The following ACCSL variants were observed in gnomAD, a reference collection of about 807,000 sequenced individuals.
ACCSL encodes the protein probable inactive 1-aminocyclopropane-1-carboxylate synthase-like protein 2.
In ACCSL, 55 loss-of-function variants were observed where a neutral mutation model predicts 61.7. The observed-to-expected ratio is 0.89, with a 90% CI of 0.72 to 1.12. The LOEUF is 1.12. Ranked by LOEUF, ACCSL falls within the 50% of genes most tolerant of loss-of-function variation. The pLI, the probability that ACCSL is intolerant of heterozygous loss-of-function variation, is 0.00. For synonymous variants in ACCSL, 258 were observed against 264.3 expected (o/e 0.98, Z 0.23); for missense variants, 632 against 698.0 (o/e 0.91, Z 1.07).
Position 44,059,860 on chromosome 11 carries a change from GC to G in ACCSL, c.1648del (p.Leu550CysfsTer8). ...KLAMRRFCDV[L>X]QEQKEALIVK... ...TAGCTATGCGTCGGTTCTGTGATGT[GC>G]TGCAGGAGCAGAAGGAGGCTTTGAT... On this transcript the variant is annotated frameshift_variant, in exon 14 of 14. Coordinates refer to ENST00000378832, the MANE Select transcript of ACCSL (RefSeq NM_001031854.2). LOFTEE classifies it low-confidence loss of function (END_TRUNC). 1 of 1,613,822 alleles carries G rather than the reference GC, an allele frequency of 6.2e-7. No homozygotes were observed. Among genetic ancestry groups the G allele is most frequent in the Non-Finnish European group, 8.5e-7 (1 of 1,179,822 alleles).
chr11:44,046,572 A>G (rs1952598628), upstream of ACCSL, among the ~76,000 whole-genome samples: 1 of 152,248 alleles, frequency 6.6e-6, no homozygotes, highest in Non-Finnish European at 1.5e-5. Flanking sequence ...TCACAGGCAA[A>G]CTGAACATGG....
At chr11:44,025,571 A>T in the ACCSL span, among the ~76,000 whole-genome samples, 1 of 152,082 alleles carries the variant, frequency 6.6e-6, no homozygotes, top group African/African-American at 2.4e-5. Flanking sequence ...TTTAAATCAG[A>T]TAGTAAAATA....
the ACCSL span, among the ~76,000 whole-genome samples, chr11:43,988,804 T>G: frequency 6.6e-5 from 7 of 106,146 alleles, no homozygotes; most frequent in African/African-American, 2.7e-4. Context: ...TGATTCTCTC[T>G]TCTTTTTTTT....
At chr11:43,967,417 G>GA in the ACCSL span, among the ~76,000 whole-genome samples, 4 of 151,776 alleles carry the variant, frequency 2.6e-5, no homozygotes, top group Admixed American at 2.6e-4. Flanking sequence ...GACCTCAGGT[G>GA]ATCCACCTGC....
the ACCSL span, among the ~76,000 whole-genome samples, chr11:43,958,181 C>T: frequency 1.3e-5 from 2 of 152,288 alleles, no homozygotes; most frequent in East Asian, 1.9e-4. Flanking sequence ...ATTTTACCAG[C>T]GATTATTCAG....
chr11:44,032,322 C>T, the ACCSL span, among the ~76,000 whole-genome samples: 1 of 152,198 alleles, frequency 6.6e-6, no homozygotes, highest in African/African-American at 2.4e-5. Context: ...TCTGGACCAC[C>T]CACTGCACTT....
the ACCSL span, among the ~76,000 whole-genome samples, chr11:44,042,189 T>C: frequency 1.3e-5 from 2 of 152,174 alleles, no homozygotes; most frequent in Admixed American, 1.3e-4. Flanking sequence ...CTATAAAGTA[T>C]GGGGTTTTTC....
the ACCSL span, among the ~76,000 whole-genome samples, chr11:43,958,527 G>A: frequency 6.6e-6 from 1 of 152,212 alleles, no homozygotes; most frequent in Admixed American, 6.5e-5. Context: ...CTCCTGCACA[G>A]CTGCCTCTGC....
chr11:43,949,616 AC>A, the ACCSL span, among the ~76,000 whole-genome samples: 7 of 151,672 alleles, frequency 4.6e-5, no homozygotes, highest in Non-Finnish European at 1.0e-4. Flanking sequence ...GGAGTTCGAG[AC>A]CAGCCTGGCC....
chr11:43,985,913 C>T, the ACCSL span, among the ~76,000 whole-genome samples: 1 of 151,884 alleles, frequency 6.6e-6, no homozygotes, highest in South Asian at 2.1e-4. Context: ...GGGAGTATGC[C>T]TGTAATCCCA....
chr11:43,926,117 A>G, the ACCSL span, among the ~76,000 whole-genome samples: 1 of 151,986 alleles, frequency 6.6e-6, no homozygotes, highest in South Asian at 2.1e-4. Context: ...GCCAAAATGA[A>G]AATTGTGTGC....
At chr11:43,923,031 C>T in the ACCSL span, among the ~76,000 whole-genome samples, 3 of 152,308 alleles carry the variant, frequency 2.0e-5, no homozygotes, top group East Asian at 5.8e-4. Flanking sequence ...TGAGTCACAG[C>T]TAATAAACCT....
chr11:43,969,669 G>A, the ACCSL span, among the ~76,000 whole-genome samples: 36 of 151,990 alleles, frequency 2.4e-4, no homozygotes, highest in African/African-American at 7.2e-4. Context: ...TGCTGACTTC[G>A]CAGAGCCTGC....
chr11:43,967,761 A>G, the ACCSL span, among the ~76,000 whole-genome samples: 1 of 152,170 alleles, frequency 6.6e-6, no homozygotes, highest in East Asian at 1.9e-4. Flanking sequence ...TTATAAAATT[A>G]TAAGCCATTG....
chr11:43,988,219 T>C, the ACCSL span, among the ~76,000 whole-genome samples: 1 of 152,016 alleles, frequency 6.6e-6, no homozygotes, highest in South Asian at 2.1e-4. Flanking sequence ...GGGATCTCTG[T>C]TCCCCCGCTA....
chr11:44,055,376 C>A, intron 9 of ACCSL, 85 bp downstream of exon 9: 1 of 1,011,520 alleles, frequency 9.9e-7, no homozygotes, highest in Non-Finnish European at 1.5e-6. Flanking sequence ...GAACTTAACT[C>A]AGTTCCTAGC....
the ACCSL span, among the ~76,000 whole-genome samples, chr11:43,978,003 C>CTTTTT: frequency 3.6e-4 from 35 of 97,640 alleles, no homozygotes; most frequent in Middle Eastern, 6.5e-3. Context: ...CTAGGAAGCT[C>CTTTTT]TTTTTTTTTT....
the ACCSL span, chr11:43,926,377 G>A: frequency 1.3e-3 from 446 of 342,280 alleles, 4 homozygotes; most frequent in African/African-American, 8.8e-3. Context: ...GGCAAGGGTC[G>A]CCGACCAGGC....
At chr11:44,005,687 G>A in the ACCSL span, among the ~76,000 whole-genome samples, 1 of 152,070 alleles carries the variant, frequency 6.6e-6, no homozygotes, top group African/African-American at 2.4e-5. Context: ...TTTTACTACT[G>A]AAAGTTTCAT....
Sources: allele counts gnomAD v4.1 joint callset (sites outside exome capture counted in the v4.1 genomes callset), GRCh38; gene constraint gnomAD v4.1.1; transcripts MANE v1.5; gene names NCBI Gene and HGNC (gene_info 2026-07-23, HGNC 2026-07-21).